SLC16A9: variants seen among roughly 807,000 people sequenced by gnomAD.
SLC16A9 encodes monocarboxylate transporter 9.
SLC16A9 carries 26 observed loss-of-function variants against 44.3 expected under a neutral mutation model. That is an observed-to-expected ratio of 0.59 (90% CI 0.43 to 0.81). The LOEUF is 0.81. SLC16A9 is among the 40% of genes least tolerant of loss of function. The pLI, the probability that SLC16A9 is intolerant of heterozygous loss-of-function variation, is 0.00. For missense variants in SLC16A9, 559 were observed against 595.8 expected (o/e 0.94, Z 0.64); for synonymous variants, 230 against 225.1 (o/e 1.02, Z -0.19).
At position 59,653,950 on chromosome 10, in the gene SLC16A9, A is replaced by T. The variant is rs1258113964; in HGVS notation, c.1076T>A (p.Leu359His). The T allele has an allele frequency of 6.2e-7, 1 of 1,614,056 alleles. No individual in the cohort carries two copies. The change falls in exon 5 of 6, where the codon CTT becomes CAT. Residue 359 changes from leucine to histidine, a missense_variant. By Grantham distance (99) the Leu-to-His change is moderately conservative. Coordinates refer to ENST00000395348, the MANE Select transcript of SLC16A9 (RefSeq NM_194298.3). ...IGIMTAVGKL[L>H]LGILADFKWI... ...CTTGAAGTCAGCCAGTATCCCTAAA[A>T]GCAGTTTACCAACTGCTGTCATAAT...
Position 59,653,921 on chromosome 10 carries a change from T to A in SLC16A9, c.1105A>T (p.Ile369Phe). 6.2e-7 allele frequency: 1 copy of A among 1,614,160 alleles called. No individual in the cohort carries two copies. Among genetic ancestry groups the A allele is most frequent in the Non-Finnish European group, 8.5e-7 (1 of 1,180,024 alleles). ...GCAACATAAAGATACAAGGTATTAA[T>A]CCACTTGAAGTCAGCCAGTATCCCT... ...LLGILADFKWINTLYLYVATL... is the reference protein window; with the variant it reads ...LLGILADFKWFNTLYLYVATL... Residue 369 changes from isoleucine to phenylalanine, a missense_variant, in exon 5 of 6, where the codon ATT becomes TTT. Transcript: ENST00000395348.
At chr10:59,657,602 C>T (rs1839378000) in intron 4 of SLC16A9, among the ~76,000 whole-genome samples, 1 of 152,054 alleles carries the variant, frequency 6.6e-6, no homozygotes. Context: ...TGGACCAGGC[C>T]CCTATGCCCT....
At chr10:59,683,226 C>T (rs2132490013) in intron 2 of SLC16A9, among the ~76,000 whole-genome samples, 1 of 152,318 alleles carries the variant, frequency 6.6e-6, no homozygotes, top group Non-Finnish European at 1.5e-5. Flanking sequence ...CTGACCCTAT[C>T]TAGATCACCA....
chr10:59,657,234 A>C (rs1564695686), intron 4 of SLC16A9, among the ~76,000 whole-genome samples: 1 of 152,172 alleles, frequency 6.6e-6, no homozygotes, highest in Non-Finnish European at 1.5e-5. Flanking sequence ...AAATGTAAAA[A>C]CCAATTGTAG....
chr10:59,691,687 AG>A (rs2132514429), intron 1 of SLC16A9, among the ~76,000 whole-genome samples: 1 of 152,316 alleles, frequency 6.6e-6, no homozygotes, highest in African/African-American at 2.4e-5. Context: ...GAAACGAAAA[AG>A]ACTATTGATG....
chr10:59,699,398 TTAC>T (rs72334103), intron 1 of SLC16A9, among the ~76,000 whole-genome samples: 25,785 of 152,092 alleles, frequency 0.17, 2,302 homozygotes, highest in Non-Finnish European at 0.2. Flanking sequence ...ACACAGATAC[TTAC>T]ATCTGTGAGT....
chr10:59,664,396 T>C (rs1275906039), intron 3 of SLC16A9, 74 bp from the exon 4 acceptor site: 5 of 973,624 alleles, frequency 5.1e-6, no homozygotes, highest in Non-Finnish European at 7.9e-6. Context: ...GAAAAACAAG[T>C]ATGTCCGATA....
chr10:59,691,972 G>C (rs1840262754), intron 1 of SLC16A9, among the ~76,000 whole-genome samples: 1 of 152,162 alleles, frequency 6.6e-6, no homozygotes, highest in African/African-American at 2.4e-5. Context: ...ACAGTTTCCT[G>C]TTGCCTTTGC....
chr10:59,696,253 GC>G (rs1484634091), intron 1 of SLC16A9, among the ~76,000 whole-genome samples: 1 of 152,216 alleles, frequency 6.6e-6, no homozygotes, highest in Non-Finnish European at 1.5e-5. Flanking sequence ...GTAGGCGCGG[GC>G]CCCCACGCCT....
intron 1 of SLC16A9, among the ~76,000 whole-genome samples, chr10:59,693,204 TTAAAG>T (rs1267698852): frequency 6.6e-6 from 1 of 152,216 alleles, no homozygotes; most frequent in Non-Finnish European, 1.5e-5. Context: ...GGACAGAACT[TTAAAG>T]TAAGTCTCCT....
At chr10:59,701,229 A>G (rs971480456) in intron 1 of SLC16A9, among the ~76,000 whole-genome samples, 5 of 152,124 alleles carry the variant, frequency 3.3e-5, no homozygotes, top group Non-Finnish European at 7.4e-5. Context: ...GGGTCCCCCA[A>G]AGAGTTCTGC....
Position 59,664,290 on chromosome 10 carries a change from C to T in SLC16A9, c.373G>A (p.Val125Met). Reference sequence around the variant, plus strand: ...TCAAAATACTGGCACGTAATGGTCACTGTTGCAGTGTATAATAAACCACAT... The same window carrying T: ...TCAAAATACTGGCACGTAATGGTCATTGTTGCAGTGTATAATAAACCACAT... The part of the protein sequence containing the change: ...LGCGLLYTAT[V>M]TITCQYFDDR... Residue 125 changes from valine (V) to methionine (M), a missense_variant, in exon 4 of 6, where the codon GTG becomes ATG. By Grantham distance (21) the Val-to-Met change is conservative (BLOSUM62 1). Transcript: ENST00000395348. The T allele has an allele frequency of 3.1e-6, 5 of 1,612,280 alleles. No homozygotes were observed. The highest frequency in any genetic ancestry group is 4.2e-6 in the Non-Finnish European group (5 of 1,178,942).
At chr10:59,700,686 G>A (rs188476412) in intron 1 of SLC16A9, among the ~76,000 whole-genome samples, 1 of 152,284 alleles carries the variant, frequency 6.6e-6, no homozygotes, top group African/African-American at 2.4e-5. Context: ...TCTTAGAAAA[G>A]CATGAAAGGG....
chr10:59,672,713 G>A, intron 3 of SLC16A9, 57 bp downstream of exon 3: 2 of 1,501,760 alleles, frequency 1.3e-6, no homozygotes, highest in Non-Finnish European at 1.8e-6. Context: ...CCTGGCACTG[G>A]TGAAATGATG....
Position 59,672,897 on chromosome 10 carries a change from G to A in SLC16A9, c.213C>T (p.Leu71=), listed in dbSNP as rs1839784588. The change falls in exon 3 of 6, where the codon CTC becomes CTT. Residue 71 remains leucine (L), a synonymous_variant. Transcript: ENST00000395348. Reference sequence around the variant, plus strand: ...GTCTTGCTCCAAAAGATGAGACACAGAGACTGCAGACAGGACCTAAAAAAA... The same window carrying A: ...GTCTTGCTCCAAAAGATGAGACACAAAGACTGCAGACAGGACCTAAAAAAA... ...VGLLASPVCS[L]CVSSFGARPV... is the part of the protein sequence containing the mutation. 6.2e-7 allele frequency: 1 copy of A among 1,612,516 alleles called. No individual in the cohort carries two copies. Among genetic ancestry groups the A allele is most frequent in the African/African-American group, 1.3e-5 (1 of 74,784 alleles).
chr10:59,687,126 A>G (rs1840152349), intron 1 of SLC16A9, among the ~76,000 whole-genome samples: 1 of 152,128 alleles, frequency 6.6e-6, no homozygotes, highest in African/African-American at 2.4e-5. Flanking sequence ...GCTGGTCTTG[A>G]ACCCCTGACC....
chr10:59,694,819 C>CATAT (rs1456040991), intron 1 of SLC16A9, among the ~76,000 whole-genome samples: 2 of 36,160 alleles, frequency 5.5e-5, no homozygotes, highest in Non-Finnish European at 1.4e-4. Context: ...TATATATATA[C>CATAT]ACACACACAC....
chr10:59,693,304 G>GT (rs1840292338), intron 1 of SLC16A9, among the ~76,000 whole-genome samples: 1 of 152,156 alleles, frequency 6.6e-6, no homozygotes, highest in Non-Finnish European at 1.5e-5. Flanking sequence ...TAACACTAAC[G>GT]TAAGTCCTTT....
At chr10:59,703,629 G>T (rs1670715442) in intron 1 of SLC16A9, among the ~76,000 whole-genome samples, 1 of 152,074 alleles carries the variant, frequency 6.6e-6, no homozygotes, top group Non-Finnish European at 1.5e-5. Context: ...GGCCAAATCT[G>T]GCCAAGTCTG....
Sources: allele counts gnomAD v4.1 joint callset (sites outside exome capture counted in the v4.1 genomes callset), GRCh38; gene constraint gnomAD v4.1.1; transcripts MANE v1.5; gene names NCBI Gene and HGNC (gene_info 2026-07-23, HGNC 2026-07-21).